COL4A3: variants seen among roughly 807,000 people sequenced by gnomAD.
COL4A3 encodes collagen alpha-3(IV) chain.
In COL4A3, 135 loss-of-function variants were observed where a neutral mutation model predicts 217.4. The ratio of observed to expected loss-of-function variants is 0.62; its 90% CI spans 0.54 to 0.72. The LOEUF is 0.72. COL4A3 is among the 30% of genes least tolerant of loss of function. The probability of loss-of-function intolerance (pLI) is 0.00; values close to 1 mark genes in which losing one functional copy is unlikely to be tolerated. For missense variants in COL4A3, 1,868 were observed against 2,119.9 expected (o/e 0.88, Z 2.33); for synonymous variants, 690 against 736.3 (o/e 0.94, Z 1.02).
At chr2:227,199,562 C>CT (rs1365779252) in intron 1 of COL4A3, among the ~76,000 whole-genome samples, 1 of 152,172 alleles carries the variant, frequency 6.6e-6, no homozygotes, top group Non-Finnish European at 1.5e-5. Context: ...CCTAAAGTCC[C>CT]TGAAAGTCTT....
At chr2:227,165,789 G>A (rs781425750) in intron 1 of COL4A3, among the ~76,000 whole-genome samples, 3 of 151,938 alleles carry the variant, frequency 2.0e-5, no homozygotes, top group Non-Finnish European at 4.4e-5. Flanking sequence ...TCACATATAG[G>A]TTCTATATGT....
intron 1 of COL4A3, among the ~76,000 whole-genome samples, chr2:227,200,142 A>G (rs1488215596): frequency 6.6e-6 from 1 of 152,116 alleles, no homozygotes; most frequent in Non-Finnish European, 1.5e-5. Context: ...CCACCATCTT[A>G]TGATATTTCT....
In COL4A3 at chr2:227,206,737, G is replaced by A. The variant is rs369141836; in HGVS notation, c.88-31231G>A. 1.4e-4 allele frequency among the ~76,000 whole-genome samples: 21 copies of A among 152,308 alleles called. No individual in the cohort carries two copies. The South Asian group carries it at 1.5e-3, about 11-fold the overall frequency. On this transcript the variant is annotated intron_variant, in intron 1 of 51. Transcript: ENST00000396578. Reference sequence around the variant, plus strand: ...TTGTATGCACGTGGAGGTTGGAGAAGCTTGGGCTTGATCACAGGGTAGCAA... The same window carrying A: ...TTGTATGCACGTGGAGGTTGGAGAAACTTGGGCTTGATCACAGGGTAGCAA...
At chr2:227,303,814 C>T in intron 44 of COL4A3, 45 bp from the exon 45 acceptor site, 1 of 1,570,826 alleles carries the variant, frequency 6.4e-7, no homozygotes, top group Non-Finnish European at 8.8e-7. Context: ...ACTAGGAAAC[C>T]CATTGATCTA....
intron 1 of COL4A3, among the ~76,000 whole-genome samples, chr2:227,222,178 A>C (rs2067842714): frequency 7.6e-6 from 1 of 131,210 alleles, no homozygotes. Context: ...TAATGATAAT[A>C]AAAAGCTCCT....
At chr2:227,252,542 T>C (rs1157422899) in intron 11 of COL4A3, among the ~76,000 whole-genome samples, 1 of 151,654 alleles carries the variant, frequency 6.6e-6, no homozygotes, top group African/African-American at 2.4e-5. Context: ...TGAGGTATTT[T>C]CCAAGATACT....
chr2:227,203,918 T>A (rs2066994757), intron 1 of COL4A3, among the ~76,000 whole-genome samples: 1 of 151,996 alleles, frequency 6.6e-6, no homozygotes, highest in African/African-American at 2.4e-5. Context: ...GCATGAGAAT[T>A]TTGTCTAATG....
At chr2:227,294,648 C>A in intron 39 of COL4A3, 78 bp downstream of exon 39, 2 of 1,078,330 alleles carry the variant, frequency 1.9e-6, no homozygotes, top group Admixed American at 1.7e-5. Flanking sequence ...TTCTGTAAAC[C>A]TACTACTCTA....
intron 1 of COL4A3, among the ~76,000 whole-genome samples, chr2:227,197,125 AGCC>A (rs2066512112): frequency 6.6e-6 from 1 of 152,218 alleles, no homozygotes; most frequent in South Asian, 2.1e-4. Flanking sequence ...AGGCCTCCCC[AGCC>A]ACCTGGAACT....
intron 35 of COL4A3, 82 bp downstream of exon 35, chr2:227,289,330 C>A: frequency 8.5e-7 from 1 of 1,173,816 alleles, no homozygotes; most frequent in Non-Finnish European, 1.2e-6. Flanking sequence ...TCTAGGCTTA[C>A]TGGGTTTAAA....
chr2:227,257,577 C>T (rs745360376), intron 17 of COL4A3, 26 bp from the exon 18 acceptor site: 1 of 1,609,462 alleles, frequency 6.2e-7, no homozygotes, highest in East Asian at 2.2e-5. Flanking sequence ...ACCATATTCA[C>T]AATTTGTAAA....
chr2:227,222,974 G>A (rs765221364), intron 1 of COL4A3, among the ~76,000 whole-genome samples: 6 of 152,116 alleles, frequency 3.9e-5, no homozygotes, highest in African/African-American at 9.7e-5. Flanking sequence ...CATCTAATTC[G>A]GGGAATTTAT....
At chr2:227,212,171 GTCTTTT>G (rs1380063193) in intron 1 of COL4A3, among the ~76,000 whole-genome samples, 2 of 143,652 alleles carry the variant, frequency 1.4e-5, no homozygotes, top group African/African-American at 5.3e-5. Context: ...GTTTTTTTTT[GTCTTTT>G]TCTTATTGAT....
intron 1 of COL4A3, among the ~76,000 whole-genome samples, chr2:227,206,069 T>C (rs1274274696): frequency 6.6e-6 from 1 of 151,858 alleles, no homozygotes; most frequent in African/African-American, 2.4e-5. Flanking sequence ...TTTTAAGAGT[T>C]CCCCCAGGTG....
intron 42 of COL4A3, 99 bp from the exon 43 acceptor site, chr2:227,298,583 C>T: frequency 6.6e-7 from 1 of 1,509,504 alleles, no homozygotes; most frequent in Non-Finnish European, 9.2e-7. Flanking sequence ...TGTGGCAATG[C>T]TAAGTGAAGG....
At position 227,251,041 on chromosome 2, in the gene COL4A3, CTGATTT is replaced by C. The variant is rs2069711190; in HGVS notation, c.547-97_547-92del. ...CTGAAAGGGGAGGTGTTATGCTCTT[CTGATTT>C]TATTAAAATATTTTAATGCATTTAA... On this transcript the variant is annotated intron_variant, in intron 9 of 51. Coordinates refer to ENST00000396578, the MANE Select transcript of COL4A3 (RefSeq NM_000091.5). 3 of 948,082 alleles carry C rather than the reference CTGATTT, an allele frequency of 3.2e-6. No individual in the cohort carries two copies. The Admixed American group carries it at 5.2e-5, about 16-fold the overall frequency. 58.7% of individuals were successfully genotyped at this position (948,082 alleles called of 1,614,324 possible). A position where few individuals can be genotyped will look rare whatever the true frequency, so the allele number is the denominator to read the frequency against.
At chr2:227,165,782 CAT>C (rs2065239604) in intron 1 of COL4A3, among the ~76,000 whole-genome samples, 1 of 152,148 alleles carries the variant, frequency 6.6e-6, no homozygotes, top group Admixed American at 6.5e-5. Context: ...CCTATGGTCA[CAT>C]ATAGGTTCTA....
At chr2:227,211,272 T>A (rs1373239799) in intron 1 of COL4A3, among the ~76,000 whole-genome samples, 1 of 152,176 alleles carries the variant, frequency 6.6e-6, no homozygotes, top group East Asian at 1.9e-4. Flanking sequence ...GTACAGGGAT[T>A]ACAAGTGTGT....
In COL4A3 at chr2:227,290,885, C is replaced by G; in HGVS notation, c.3209C>G (p.Thr1070Arg). 6.2e-7 allele frequency: 1 copy of G among 1,611,066 alleles called. No individual in the cohort carries two copies. The highest frequency in any genetic ancestry group is 2.2e-5 in the East Asian group (1 of 44,864). The change falls in exon 37 of 52, where the codon ACG becomes AGG. Residue 1070 changes from threonine (T) to arginine (R), a missense_variant and splice_region_variant. Coordinates refer to ENST00000396578, the MANE Select transcript of COL4A3 (RefSeq NM_000091.5). ...EGTRPGPPGP[T>R]GDPGLPGDMG... ...ACAAGGCCAGGACCACCGGGACCAA[C>G]GGTATATAGGCCACTGAAATATTTA... is the stretch of plus-strand genomic sequence containing the variant.
Sources: gnomAD v4.1 joint callset for allele counts (sites outside exome capture counted in the v4.1 genomes callset) on GRCh38, gnomAD v4.1.1 for gene constraint, MANE v1.5 for transcripts, NCBI Gene and HGNC (gene_info 2026-07-23, HGNC 2026-07-21) for gene names.